The following RNF180 variants were observed in gnomAD, a reference collection of about 807,000 sequenced individuals.
The protein encoded by RNF180 is ring finger protein 180.
A neutral mutation model predicts 59.2 loss-of-function variants in RNF180; 38 were observed. That is an observed-to-expected ratio of 0.64 (90% CI 0.50 to 0.84). The LOEUF is 0.84. Among genes scored for constraint, RNF180 ranks in the 40% least tolerant of loss-of-function variants. The pLI is 0.00. For missense variants in RNF180, 705 were observed against 700.9 expected (o/e 1.01, Z -0.07); for synonymous variants, 262 against 240.3 (o/e 1.09, Z -0.84).
intron 2 of RNF180, among the ~76,000 whole-genome samples, chr5:64,206,600 C>T (rs552297808): frequency 6.6e-6 from 1 of 152,252 alleles, no homozygotes; most frequent in African/African-American, 2.4e-5. Flanking sequence ...ATATTTGTTC[C>T]ATACTAGTCT....
At chr5:64,249,705 C>A (rs577849865) in intron 5 of RNF180, among the ~76,000 whole-genome samples, 1 of 152,098 alleles carries the variant, frequency 6.6e-6, no homozygotes, top group East Asian at 1.9e-4. Context: ...GACTTTAATT[C>A]AAAAATTGTA....
intron 1 of RNF180, among the ~76,000 whole-genome samples, chr5:64,184,502 T>A (rs1194453166): frequency 6.6e-6 from 1 of 152,234 alleles, no homozygotes; most frequent in Non-Finnish European, 1.5e-5. Flanking sequence ...TACTGAAGAA[T>A]TTTTGCTCAC....
chr5:64,178,481 G>A (rs1417780892), intron 1 of RNF180, among the ~76,000 whole-genome samples: 1 of 152,156 alleles, frequency 6.6e-6, no homozygotes, highest in Non-Finnish European at 1.5e-5. Context: ...ATCCAGCACT[G>A]TAATCATATC....
intron 5 of RNF180, among the ~76,000 whole-genome samples, chr5:64,313,181 G>A (rs752202014): frequency 2.0e-5 from 3 of 151,884 alleles, no homozygotes; most frequent in Non-Finnish European, 4.4e-5. Context: ...TTAGGTTCAG[G>A]GATACATGTG....
chr5:64,351,998 C>T (rs535146391), intron 7 of RNF180, among the ~76,000 whole-genome samples: 3 of 152,114 alleles, frequency 2.0e-5, no homozygotes, highest in South Asian at 2.1e-4. Context: ...CCTTGTACCT[C>T]TGGTAGAATT....
chr5:64,287,254 C>T (rs566615647), intron 5 of RNF180, among the ~76,000 whole-genome samples: 15 of 152,242 alleles, frequency 9.9e-5, no homozygotes, highest in South Asian at 4.2e-4. Flanking sequence ...CGTGAGCCAC[C>T]GTGCCTAGTC....
At chr5:64,197,861 C>T (rs1013537371) in intron 1 of RNF180, among the ~76,000 whole-genome samples, 1 of 152,130 alleles carries the variant, frequency 6.6e-6, no homozygotes, top group African/African-American at 2.4e-5. Context: ...ACAAAGATTA[C>T]ATCCTAGAAA....
intron 2 of RNF180, among the ~76,000 whole-genome samples, chr5:64,203,786 T>A (rs1018945458): frequency 6.6e-6 from 1 of 152,256 alleles, no homozygotes; most frequent in East Asian, 1.9e-4. Context: ...TAATGTTAAA[T>A]TGCTTAATCT....
chr5:64,207,098 TA>T (rs1192740618), intron 2 of RNF180, among the ~76,000 whole-genome samples: 14 of 151,876 alleles, frequency 9.2e-5, no homozygotes, highest in Non-Finnish European at 1.9e-4. Flanking sequence ...ATTATAAATG[TA>T]TTCTAATTAT....
rs1015124508 is a variant in RNF180 at position 64,257,553 on chromosome 5, C to T, written c.1227+40157C>T. Among the ~76,000 whole-genome samples, 3 of 152,154 alleles carry T rather than the reference C, an allele frequency of 2.0e-5. No homozygotes were observed. The East Asian group carries it at 5.8e-4, about 29-fold the overall frequency. ...CAGCCTTGCATCCCAGGGATGAAGC[C>T]CACTTGATCATGGTGGATAAGCTTT... On this transcript the variant is annotated intron_variant, in intron 5 of 7. Transcript: ENST00000389100.
At chr5:64,347,630 A>G (rs778567328) in intron 7 of RNF180, among the ~76,000 whole-genome samples, 2 of 152,188 alleles carry the variant, frequency 1.3e-5, no homozygotes, top group African/African-American at 4.8e-5. Flanking sequence ...TTAATATTAA[A>G]TGAGATATAT....
intron 7 of RNF180, among the ~76,000 whole-genome samples, chr5:64,368,125 C>G (rs922466629): frequency 6.6e-5 from 10 of 151,596 alleles, no homozygotes; most frequent in Non-Finnish European, 1.3e-4. Context: ...TCAAGATTTG[C>G]TTTTTCTGTA....
chr5:64,352,562 C>T (rs981118127), intron 7 of RNF180, among the ~76,000 whole-genome samples: 53 of 152,164 alleles, frequency 3.5e-4, no homozygotes, highest in African/African-American at 9.6e-4. Flanking sequence ...TCCCTCTACA[C>T]ACTGCTTTAA....
chr5:64,322,578 T>TATATATAACG (rs1744414845), intron 5 of RNF180, among the ~76,000 whole-genome samples: 1 of 150,860 alleles, frequency 6.6e-6, no homozygotes, highest in Admixed American at 6.6e-5. Context: ...CACGTATATA[T>TATATATAACG]ATATATAACG....
intron 7 of RNF180, among the ~76,000 whole-genome samples, chr5:64,343,988 A>G (rs1467210723): frequency 1.3e-5 from 2 of 151,692 alleles, no homozygotes; most frequent in African/African-American, 4.8e-5. Context: ...ATCAGTACCT[A>G]TTGATAAATC....
intron 5 of RNF180, among the ~76,000 whole-genome samples, chr5:64,250,547 CAAAT>C (rs964415195): frequency 2.0e-5 from 3 of 151,258 alleles, no homozygotes; most frequent in African/African-American, 7.3e-5. Flanking sequence ...TGAGAAGACT[CAAAT>C]AAATTTAATC....
chr5:64,358,700 T>C (rs577580723), intron 7 of RNF180, among the ~76,000 whole-genome samples: 1 of 151,690 alleles, frequency 6.6e-6, no homozygotes, highest in Non-Finnish European at 1.5e-5. Context: ...TGCAGGTTAG[T>C]TACATATGTA....
At chr5:64,346,312 A>G (rs1745551243) in intron 7 of RNF180, among the ~76,000 whole-genome samples, 2 of 151,776 alleles carry the variant, frequency 1.3e-5, no homozygotes, top group South Asian at 4.1e-4. Context: ...TTTTGAAACA[A>G]AAACAATTCC....
At chr5:64,296,700 G>A (rs896170947) in intron 5 of RNF180, among the ~76,000 whole-genome samples, 4 of 151,910 alleles carry the variant, frequency 2.6e-5, no homozygotes, top group African/African-American at 9.7e-5. Context: ...TGAGTCAGAT[G>A]TGCTGCTGCA....
Sources: allele counts gnomAD v4.1 joint callset (sites outside exome capture counted in the v4.1 genomes callset), GRCh38; gene constraint gnomAD v4.1.1; transcripts MANE v1.5; gene names NCBI Gene and HGNC (gene_info 2026-07-23, HGNC 2026-07-21).